Variants in ITCH observed in about 807,000 individuals in gnomAD.
The protein encoded by ITCH is E3 ubiquitin-protein ligase Itchy homolog.
A neutral mutation model predicts 126.8 loss-of-function variants in ITCH; 28 were observed. The ratio of observed to expected loss-of-function variants is 0.22; its 90% confidence interval spans 0.16 to 0.30. ITCH has a LOEUF of 0.30. ITCH is among the 10% of genes least tolerant of loss of function. The pLI is 1.00. For synonymous variants in ITCH, 342 were observed against 340.0 expected (o/e 1.01, Z -0.06); for missense variants, 631 against 1,032.4 (o/e 0.61, Z 5.33).
Position 34,508,422 on chromosome 20 carries a change from A to G in ITCH, c.*628A>G, listed in dbSNP as rs1380220047. ...AGGGAAAAGTTGGTCACAGCCTGCA[A>G]ATGACTTCATTTGGAAGTCTGATTG... On this transcript the variant is annotated 3_prime_UTR_variant, in exon 25 of 25. Coordinates refer to ENST00000374864, the MANE Select transcript of ITCH (RefSeq NM_031483.7). The G allele has an allele frequency of 6.4e-6, 1 of 157,372 alleles. No homozygotes were observed. The highest frequency in any genetic ancestry group is 2.4e-5 in the African/African-American group (1 of 41,464). 9.7% of individuals were successfully genotyped at this position (157,372 alleles called of 1,614,324 possible). A position where few individuals can be genotyped will look rare whatever the true frequency, so the allele number is the denominator to read the frequency against.
At chr20:34,458,757 T>C (rs1336945745) in intron 13 of ITCH, among the ~76,000 whole-genome samples, 2 of 152,202 alleles carry the variant, frequency 1.3e-5, no homozygotes, top group African/African-American at 4.8e-5. Flanking sequence ...TGTCTATCTG[T>C]ACCCAAATTT....
At chr20:34,417,138 C>A (rs1236882947) in intron 6 of ITCH, 3 of 682,574 alleles carry the variant, frequency 4.4e-6, no homozygotes, top group Non-Finnish European at 8.0e-6. Context: ...CTCTGTTTGC[C>A]CAGGCTGGAG....
At chr20:34,440,473 T>C (rs990422310) in intron 9 of ITCH, 129 bp downstream of exon 9, 7 of 764,258 alleles carry the variant, frequency 9.2e-6, no homozygotes, top group Admixed American at 7.1e-5. Flanking sequence ...ATTTCTTTTT[T>C]TTTTGAGATG....
chr20:34,363,911 C>G (rs1008863443), intron 1 of ITCH, among the ~76,000 whole-genome samples: 2 of 152,192 alleles, frequency 1.3e-5, no homozygotes, highest in Non-Finnish European at 2.9e-5. Flanking sequence ...GTGGTGGTCC[C>G]GGCTCCGGCG....
intron 20 of ITCH, among the ~76,000 whole-genome samples, chr20:34,483,065 C>T (rs1458453072): frequency 6.6e-6 from 1 of 152,166 alleles, no homozygotes; most frequent in African/African-American, 2.4e-5. Flanking sequence ...AGCTAGGAAA[C>T]AGGGCACCAA....
intron 14 of ITCH, among the ~76,000 whole-genome samples, chr20:34,464,050 C>T (rs1437444016): frequency 6.6e-6 from 1 of 152,044 alleles, no homozygotes; most frequent in Admixed American, 6.5e-5. Context: ...TCTCGGCTCA[C>T]TGCAAGCTAT....
chr20:34,491,315 T>A (rs1287919173), intron 22 of ITCH, among the ~76,000 whole-genome samples: 1 of 152,228 alleles, frequency 6.6e-6, no homozygotes, highest in Non-Finnish European at 1.5e-5. Flanking sequence ...GGACAAATAC[T>A]GTATAATTCC....
chr20:34,477,951 A>G lies in ITCH; in HGVS notation c.1658+91A>G, dbSNP rs1342271226. 15 of 1,536,556 alleles carry G rather than the reference A, an allele frequency of 9.8e-6. No homozygotes were observed. The Admixed American group carries it at 2.9e-4, about 29-fold the overall frequency. On this transcript the variant is annotated intron_variant, in intron 17 of 24. Coordinates refer to ENST00000374864, the MANE Select transcript of ITCH (RefSeq NM_031483.7). ...GCAAGTATTATTTTCTCAATCTTAT[A>G]TTTTAGGAAAATGAAATATGTCAAA...
chr20:34,404,205 T>C (rs2038976331), intron 3 of ITCH, among the ~76,000 whole-genome samples: 1 of 152,104 alleles, frequency 6.6e-6, no homozygotes, highest in Admixed American at 6.6e-5. Flanking sequence ...GTTTATAATG[T>C]ATAGTTTTTT....
At position 34,441,999 on chromosome 20, in the gene ITCH, CATAGA is replaced by C. The variant is rs1421942919; in HGVS notation, c.870-207_870-203del. On this transcript the variant is annotated intron_variant, in intron 9 of 24. Transcript: ENST00000374864. Reference sequence around the variant, plus strand: ...TGTTTTCTCCTAGAGCAGATACTTGCATAGAAGAAATTGAATTCACTGTGTGCCAC... The same window carrying C: ...TGTTTTCTCCTAGAGCAGATACTTGCAGAAATTGAATTCACTGTGTGCCAC... 5.1e-6 allele frequency: 3 copies of C among 583,384 alleles called. No homozygotes were observed. The African/African-American group carries it at 5.6e-5, about 11-fold the overall frequency. 36.1% of individuals were successfully genotyped at this position (583,384 alleles called of 1,614,324 possible). A position where few individuals can be genotyped will look rare whatever the true frequency, so the allele number is the denominator to read the frequency against.
intron 16 of ITCH, among the ~76,000 whole-genome samples, chr20:34,472,841 G>A (rs1297671201): frequency 6.6e-6 from 1 of 152,192 alleles, no homozygotes; most frequent in Non-Finnish European, 1.5e-5. Flanking sequence ...TCTGATGTAA[G>A]TGTCACAGGC....
chr20:34,464,899 C>T (rs1032192949), intron 14 of ITCH, among the ~76,000 whole-genome samples: 2 of 151,916 alleles, frequency 1.3e-5, no homozygotes, highest in Non-Finnish European at 2.9e-5. Context: ...TTAGTAGAGA[C>T]GGGGTTTCAC....
At chr20:34,401,323 A>G (rs1163454256) in intron 3 of ITCH, among the ~76,000 whole-genome samples, 1 of 152,080 alleles carries the variant, frequency 6.6e-6, no homozygotes, top group Non-Finnish European at 1.5e-5. Context: ...TTAAATTACA[A>G]GCTCAACCCA....
chr20:34,440,302 C>G lies in ITCH; in HGVS notation c.827C>G (p.Pro276Arg). ...IPLTISGGSG[P>R]RPLNPVTQAP... The stretch of plus-strand genomic sequence containing the variant: ...CTTACTATATCTGGAGGCTCAGGCC[C>G]TAGGCCATTAAATCCTGTAACTCAA... The change falls in exon 9 of 25, where the codon CCT becomes CGT. Residue 276 changes from proline to arginine, a missense_variant. By Grantham distance (103) the Pro-to-Arg change is moderately radical (BLOSUM62 -2). Transcript: ENST00000374864. 1 of 1,614,130 alleles carries G rather than the reference C, an allele frequency of 6.2e-7. No homozygotes were observed. Among genetic ancestry groups the G allele is most frequent in the Non-Finnish European group, 8.5e-7 (1 of 1,179,978 alleles).
In ITCH at chr20:34,471,673, G is replaced by GGTGTGTGT. The variant is rs10606931; in HGVS notation, c.1569+193_1569+200dup. ...TTGCCAGCCACCTTAGGGCTTAAGG[G>GGTGTGTGT]GTGTGTGTGTGTGTGTGTGTGTGTG... On this transcript the variant is annotated intron_variant, in intron 16 of 24. Coordinates refer to ENST00000374864, the MANE Select transcript of ITCH (RefSeq NM_031483.7). 2.1e-3 allele frequency among the ~76,000 whole-genome samples: 143 copies of GGTGTGTGT among 69,374 alleles called. 2 individuals are homozygous for GGTGTGTGT. The highest frequency in any genetic ancestry group is 0.016 in the Middle Eastern group (2 of 124). 45.5% of individuals were successfully genotyped at this position (69,374 alleles called of 152,430 possible).
At chr20:34,476,691 G>A (rs770971869) in intron 16 of ITCH, 5 of 257,092 alleles carry the variant, frequency 1.9e-5, no homozygotes, top group Non-Finnish European at 3.6e-5. Context: ...TGGGGGAACT[G>A]AGAGAACTTG....
chr20:34,414,406 A>G lies in ITCH; in HGVS notation c.475+527A>G, dbSNP rs535209406. On this transcript the variant is annotated intron_variant, in intron 6 of 24. Coordinates refer to ENST00000374864, the MANE Select transcript of ITCH (RefSeq NM_031483.7). ...CGCCAACTGTGCCAATGGCAGACAG[A>G]GTTTATTGTCTGTAGCAGTGTGGGG... is the stretch of plus-strand genomic sequence containing the variant. 9.0e-3 allele frequency among the ~76,000 whole-genome samples: 1,147 copies of G among 127,068 alleles called. 6 individuals carry two copies. The highest frequency in any genetic ancestry group is 0.013 in the Non-Finnish European group (809 of 60,200). The allele number at this position is 127,068 out of a possible 152,430, so 83.4% of individuals were successfully genotyped here.
chr20:34,507,394 A>AT (rs1990708461), intron 24 of ITCH, among the ~76,000 whole-genome samples: 1 of 145,406 alleles, frequency 6.9e-6, no homozygotes, highest in Non-Finnish European at 1.5e-5. Flanking sequence ...GATGTTGAGC[A>AT]TTTTTTTAAT....
chr20:34,487,595 A>G (rs569729676), intron 20 of ITCH, among the ~76,000 whole-genome samples: 2 of 152,224 alleles, frequency 1.3e-5, no homozygotes, highest in South Asian at 2.1e-4. Flanking sequence ...TTATGATAAT[A>G]TGCATCTTTA....
Sources: allele counts gnomAD v4.1 joint callset (sites outside exome capture counted in the v4.1 genomes callset), GRCh38; gene constraint gnomAD v4.1.1; transcripts MANE v1.5; gene names NCBI Gene and HGNC (gene_info 2026-07-23, HGNC 2026-07-21).